DNAJB4: variants seen among roughly 807,000 people sequenced by gnomAD.
DNAJB4 encodes the protein dnaJ homolog subfamily B member 4.
DNAJB4 carries 10 observed loss-of-function variants against 26.6 expected under a neutral mutation model. The observed-to-expected ratio is 0.38, with a 90% CI of 0.23 to 0.64. DNAJB4 has a LOEUF of 0.64. Among genes scored for constraint, DNAJB4 ranks in the 30% least tolerant of loss-of-function variants. DNAJB4 has a pLI of 0.58. For synonymous variants in DNAJB4, 136 were observed against 134.8 expected, an observed-to-expected ratio of 1.01 and a Z score of -0.06; for missense variants, 328 against 408.2, an observed-to-expected ratio of 0.80 and a Z score of 1.69.
At chr1:78,012,236 C>G (rs563730613) in intron 1 of DNAJB4, among the ~76,000 whole-genome samples, 1 of 135,788 alleles carries the variant, frequency 7.4e-6, no homozygotes, top group Non-Finnish European at 1.5e-5. Flanking sequence ...GATCTCAGCT[C>G]GCTGCAACTT....
At position 78,013,442 on chromosome 1, in the gene DNAJB4, C is replaced by A; in HGVS notation, c.603C>A (p.Thr201=). ...RSYRSEDKIL[T]IEIKKGWKEG... ...ACAGATCTGAGGACAAAATTCTTAC[C>A]ATTGAGATTAAAAAAGGGTGGAAAG... Residue 201 remains threonine, a synonymous_variant, in exon 2 of 3, where the codon ACC becomes ACA. Coordinates refer to ENST00000370763, the MANE Select transcript of DNAJB4 (RefSeq NM_007034.5). The A allele has an allele frequency of 1.2e-6, 2 of 1,614,042 alleles. No homozygotes were observed. The highest frequency in any genetic ancestry group is 1.7e-6 in the Non-Finnish European group (2 of 1,180,006).
At chr1:77,997,533 C>T (rs771211184) in intron 1 of DNAJB4, among the ~76,000 whole-genome samples, 68 of 151,962 alleles carry the variant, frequency 4.5e-4, no homozygotes, top group African/African-American at 8.2e-4. Flanking sequence ...ACAATCTGAC[C>T]GTAACTTATT....
Position 78,017,886 on chromosome 1 carries a change from A to G in DNAJB4, c.*1639A>G, listed in dbSNP as rs988541135. Reference sequence around the variant, plus strand: ...TGGCACGTCATATGGATATACCACAATTTGTTTATCTTTTCATTAATTATG... The same window carrying G: ...TGGCACGTCATATGGATATACCACAGTTTGTTTATCTTTTCATTAATTATG... On this transcript the variant is annotated 3_prime_UTR_variant, in exon 3 of 3. Coordinates refer to ENST00000370763, the MANE Select transcript of DNAJB4 (RefSeq NM_007034.5). The G allele has an allele frequency of 4.0e-5, 6 of 151,878 alleles. No homozygotes were observed. The highest frequency in any genetic ancestry group is 1.5e-4 in the African/African-American group (6 of 41,352). 9.4% of individuals were successfully genotyped at this position (151,878 alleles called of 1,614,324 possible). A position where few individuals can be genotyped will look rare whatever the true frequency, so the allele number is the denominator to read the frequency against.
intron 1 of DNAJB4, among the ~76,000 whole-genome samples, chr1:77,994,004 A>G (rs900292104): frequency 6.6e-6 from 1 of 152,204 alleles, no homozygotes; most frequent in African/African-American, 2.4e-5. Flanking sequence ...TCTTCGAATC[A>G]TAGTTAAGTC....
In DNAJB4 at chr1:78,016,919, T is replaced by C. The variant is rs1040422801; in HGVS notation, c.*672T>C. ...ATTACTGATATTTTAGAATAGACTTTTTAAAATGCCATATGTAATTTTATG... is the reference window on the plus strand; with the variant it reads ...ATTACTGATATTTTAGAATAGACTTCTTAAAATGCCATATGTAATTTTATG... On this transcript the variant is annotated 3_prime_UTR_variant, in exon 3 of 3. Coordinates refer to ENST00000370763, the MANE Select transcript of DNAJB4 (RefSeq NM_007034.5). 1 of 152,170 alleles carries C rather than the reference T, an allele frequency of 6.6e-6. No homozygotes were observed. The highest frequency in any genetic ancestry group is 2.4e-5 in the African/African-American group (1 of 41,472). The allele number at this position is 152,170 out of a possible 1,614,324, so 9.4% of individuals were successfully genotyped here.
In DNAJB4 at chr1:78,016,043, A is replaced by AT; in HGVS notation, c.810_811insT (p.Thr271TyrfsTer13). On this transcript the variant is annotated frameshift_variant, in exon 3 of 3. Transcript: ENST00000370763. LOFTEE classifies it high-confidence loss of function. ...TGTGTGGCTGCTCAATTAATGTACC[A>AT]ACACTGGATGGAAGAAACATACCTA... is the stretch of plus-strand genomic sequence containing the variant. 1 of 1,614,074 alleles carries AT rather than the reference A, an allele frequency of 6.2e-7. No individual in the cohort carries two copies. Among genetic ancestry groups the AT allele is most frequent in the Non-Finnish European group, 8.5e-7 (1 of 1,180,008 alleles).
intron 1 of DNAJB4, among the ~76,000 whole-genome samples, chr1:77,995,076 T>C (rs1168786488): frequency 1.3e-5 from 2 of 152,218 alleles, no homozygotes; most frequent in African/African-American, 4.8e-5. Flanking sequence ...TACTGAAATG[T>C]ACCTATCTGA....
intron 1 of DNAJB4, among the ~76,000 whole-genome samples, chr1:77,996,384 G>A (rs1239124124): frequency 1.3e-5 from 2 of 152,036 alleles, no homozygotes; most frequent in Non-Finnish European, 2.9e-5. Flanking sequence ...CAAACTCCTG[G>A]GCTCAAGTGA....
chr1:78,015,450 CTT>C (rs34355321), intron 2 of DNAJB4, among the ~76,000 whole-genome samples: 1,875 of 114,364 alleles, frequency 0.016, 24 homozygotes, highest in African/African-American at 0.05. Flanking sequence ...TTTTCTTCTT[CTT>C]TTTTTTTTTT....
chr1:77,984,057 C>T (rs1659735047), intron 1 of DNAJB4, among the ~76,000 whole-genome samples: 1 of 152,084 alleles, frequency 6.6e-6, no homozygotes, highest in Non-Finnish European at 1.5e-5. Flanking sequence ...CCCTGTGTTC[C>T]TACATAAGCA....
At chr1:77,994,773 G>A (rs1660021861) in intron 1 of DNAJB4, among the ~76,000 whole-genome samples, 1 of 152,152 alleles carries the variant, frequency 6.6e-6, no homozygotes, top group Non-Finnish European at 1.5e-5. Flanking sequence ...AACTGAGCAT[G>A]TGTAAATACA....
intron 1 of DNAJB4, among the ~76,000 whole-genome samples, chr1:77,997,209 G>T (rs1047361969): frequency 1.3e-5 from 2 of 150,864 alleles, no homozygotes; most frequent in Admixed American, 1.3e-4. Context: ...GCTGGGTGCA[G>T]TTGCACATGC....
chr1:77,994,856 G>C (rs1360459631), intron 1 of DNAJB4, among the ~76,000 whole-genome samples: 1 of 152,010 alleles, frequency 6.6e-6, no homozygotes, highest in Admixed American at 6.6e-5. Context: ...GAACAATGTA[G>C]TACTATTTTA....
At chr1:78,004,910 A>G (rs1660290305), upstream of DNAJB4, 4 of 597,536 alleles carry the variant, frequency 6.7e-6, no homozygotes, top group African/African-American at 3.7e-5. Flanking sequence ...TGTGTAGTGT[A>G]TATTTATCTG....
rs867196898 is a variant in DNAJB4 at position 77,992,408 on chromosome 1, G to A, written c.-32+12086G>A. On this transcript the variant is annotated intron_variant, in intron 1 of 2. Coordinates refer to the DNAJB4 transcript ENST00000426517. ...AGCCTGGGCGACAGAGCGAGACTCC[G>A]TCTCAAAAAAAAAAAAAAAAAAAAA... Among the ~76,000 whole-genome samples, 136 of 35,948 alleles carry A rather than the reference G, an allele frequency of 3.8e-3. 3 individuals are homozygous for A. The highest frequency in any genetic ancestry group is 3.1e-3 in the Admixed American group (6 of 1,960). The allele number at this position is 35,948 out of a possible 152,430, so 23.6% of individuals were successfully genotyped here.
upstream of DNAJB4, among the ~76,000 whole-genome samples, chr1:78,002,302 G>T (rs1181938216): frequency 6.6e-6 from 1 of 151,870 alleles, no homozygotes; most frequent in Non-Finnish European, 1.5e-5. Context: ...CCAAATTGCC[G>T]CATTCATATC....
At chr1:77,991,873 T>C (rs1659939072) in intron 1 of DNAJB4, among the ~76,000 whole-genome samples, 1 of 152,198 alleles carries the variant, frequency 6.6e-6, no homozygotes, top group Admixed American at 6.5e-5. Flanking sequence ...CATAGTTCTG[T>C]TGGCTATGAG....
upstream of DNAJB4, among the ~76,000 whole-genome samples, chr1:78,001,162 T>C (rs974580158): frequency 4.0e-5 from 6 of 151,818 alleles, no homozygotes; most frequent in Non-Finnish European, 7.4e-5. Flanking sequence ...CTGGGCAACA[T>C]AGTGAGACCT....
At chr1:77,990,449 G>T (rs768217850) in intron 1 of DNAJB4, among the ~76,000 whole-genome samples, 4 of 152,162 alleles carry the variant, frequency 2.6e-5, no homozygotes, top group Non-Finnish European at 5.9e-5. Context: ...ATATTGTTGT[G>T]TTGGTTTTTG....
Sources: gnomAD v4.1 joint callset for allele counts (sites outside exome capture counted in the v4.1 genomes callset) on GRCh38, gnomAD v4.1.1 for gene constraint, MANE v1.5 for transcripts, NCBI Gene and HGNC (gene_info 2026-07-23, HGNC 2026-07-21) for gene names.